The following HNF4G variants were observed in gnomAD, a reference collection of about 807,000 sequenced individuals.
HNF4G encodes the protein hepatocyte nuclear factor 4-gamma.
In HNF4G, 21 loss-of-function variants were observed where a neutral mutation model predicts 50.9. The observed-to-expected ratio is 0.41, with a 90% CI of 0.29 to 0.59. The LOEUF is 0.59. HNF4G is among the 20% of genes least tolerant of loss of function. The pLI is 0.26. For synonymous variants in HNF4G, 198 were observed against 185.6 expected (o/e 1.07, Z -0.54); for missense variants, 527 against 559.4 (o/e 0.94, Z 0.58).
chr8:75,411,600 A>T (rs1473191845), intron 1 of HNF4G, among the ~76,000 whole-genome samples: 1 of 152,170 alleles, frequency 6.6e-6, no homozygotes, highest in Admixed American at 6.5e-5. Context: ...TTTTATCAAG[A>T]TGGTTTCCTG....
intron 1 of HNF4G, among the ~76,000 whole-genome samples, chr8:75,436,076 T>C (rs1195154284): frequency 6.6e-6 from 1 of 152,160 alleles, no homozygotes; most frequent in African/African-American, 2.4e-5. Context: ...CAACATAAAT[T>C]ATAAGGTACC....
intron 1 of HNF4G, among the ~76,000 whole-genome samples, chr8:75,488,475 A>G: frequency 6.6e-6 from 1 of 151,776 alleles, no homozygotes; most frequent in South Asian, 2.1e-4. Flanking sequence ...ACAGGGTTTC[A>G]TCATGTTGGC....
At chr8:75,533,911 T>A (rs867152499) in intron 2 of HNF4G, among the ~76,000 whole-genome samples, 8 of 152,006 alleles carry the variant, frequency 5.3e-5, no homozygotes, top group Middle Eastern at 3.4e-3. Flanking sequence ...CTCTTATTTA[T>A]ATGTTTATTT....
intron 1 of HNF4G, among the ~76,000 whole-genome samples, chr8:75,542,389 T>C (rs1472637237): frequency 6.6e-6 from 1 of 152,020 alleles, no homozygotes; most frequent in African/African-American, 2.4e-5. Flanking sequence ...TAAATGTGTG[T>C]TCAGAGAAGG....
chr8:75,430,917 T>C (rs1429859341), intron 1 of HNF4G, among the ~76,000 whole-genome samples: 1 of 152,180 alleles, frequency 6.6e-6, no homozygotes, highest in Non-Finnish European at 1.5e-5. Context: ...AGAAATTTCA[T>C]TTGTAGAATG....
chr8:75,542,532 G>A lies in HNF4G; in HGVS notation c.119-1279G>A, dbSNP rs77551117. The stretch of plus-strand genomic sequence containing the variant: ...TGAGATGAGAGTAGCCTTCAATGAC[G>A]ACGAAAAAAAAAAAAAAAAAAAAGA... On this transcript the variant is annotated intron_variant, in intron 1 of 9. Coordinates refer to ENST00000396423, the MANE Select transcript of HNF4G (RefSeq NM_004133.5). Among the ~76,000 whole-genome samples, 867 of 101,688 alleles carry A rather than the reference G, an allele frequency of 8.5e-3. 8 individuals are homozygous for A. The highest frequency in any genetic ancestry group is 0.033 in the African/African-American group (817 of 24,440). 66.7% of individuals were successfully genotyped at this position (101,688 alleles called of 152,430 possible). A position where few individuals can be genotyped will look rare whatever the true frequency, so the allele number is the denominator to read the frequency against.
intron 1 of HNF4G, among the ~76,000 whole-genome samples, 173 bp from the exon 2 acceptor site, chr8:75,543,638 A>G (rs530620833): frequency 1.9e-4 from 29 of 152,212 alleles, no homozygotes; most frequent in Non-Finnish European, 3.7e-4. Flanking sequence ...TTCAGAAATA[A>G]GAAAGGAGAG....
intron 1 of HNF4G, among the ~76,000 whole-genome samples, chr8:75,442,946 T>G (rs1438165299): frequency 6.6e-6 from 1 of 152,190 alleles, no homozygotes; most frequent in Admixed American, 6.5e-5. Flanking sequence ...TACTATGTAT[T>G]GCCTTCGTGA....
At chr8:75,469,673 C>A (rs1274432447) in intron 1 of HNF4G, among the ~76,000 whole-genome samples, 1 of 152,074 alleles carries the variant, frequency 6.6e-6, no homozygotes, top group Non-Finnish European at 1.5e-5. Context: ...CAACAGGCAC[C>A]CATAATTTTA....
intron 1 of HNF4G, among the ~76,000 whole-genome samples, chr8:75,483,047 CAAT>C (rs1425428994): frequency 6.6e-6 from 1 of 152,062 alleles, no homozygotes; most frequent in African/African-American, 2.4e-5. Context: ...CTTTTAAACT[CAAT>C]GACATGTGAA....
chr8:75,493,885 A>C (rs1311284806), intron 2 of HNF4G, among the ~76,000 whole-genome samples: 1 of 152,154 alleles, frequency 6.6e-6, no homozygotes, highest in East Asian at 1.9e-4. Flanking sequence ...TTGGGGGTAC[A>C]TTTTCTTTAA....
chr8:75,566,830 A>C lies in HNF4G; in HGVS notation c.*2734A>C, dbSNP rs2130828117. 6.6e-6 allele frequency: 1 copy of C among 152,278 alleles called. No individual in the cohort carries two copies. Among genetic ancestry groups the C allele is most frequent in the Admixed American group, 6.5e-5 (1 of 15,290 alleles). The allele number at this position is 152,278 out of a possible 1,614,324, so 9.4% of individuals were successfully genotyped here. A position where few individuals can be genotyped will look rare whatever the true frequency, so the allele number is the denominator to read the frequency against. ...CTTTCTAAATAAAAACTGAGAAAAAAAAAATCACTGAAACCAGGTGCTTCA... is the reference window on the plus strand; with the variant it reads ...CTTTCTAAATAAAAACTGAGAAAAACAAAATCACTGAAACCAGGTGCTTCA... On this transcript the variant is annotated 3_prime_UTR_variant, in exon 10 of 10. Transcript: ENST00000396423.
chr8:75,538,568 C>T (rs1806530911), upstream of HNF4G, among the ~76,000 whole-genome samples: 1 of 152,142 alleles, frequency 6.6e-6, no homozygotes, highest in Non-Finnish European at 1.5e-5. Context: ...TTTGTTAACT[C>T]ATTTAAAATA....
chr8:75,498,066 A>T (rs1423051681), intron 2 of HNF4G, among the ~76,000 whole-genome samples: 1 of 152,118 alleles, frequency 6.6e-6, no homozygotes, highest in Non-Finnish European at 1.5e-5. Context: ...ACAAGACAAA[A>T]AAAAGATATG....
At chr8:75,449,501 A>ATT (rs1232475679) in intron 1 of HNF4G, among the ~76,000 whole-genome samples, 3 of 110,740 alleles carry the variant, frequency 2.7e-5, no homozygotes, top group Non-Finnish European at 1.8e-5. Context: ...ATATATATAT[A>ATT]TTTTTTTCTT....
chr8:75,410,888 G>C (rs1004889205), intron 1 of HNF4G, among the ~76,000 whole-genome samples: 1 of 152,074 alleles, frequency 6.6e-6, no homozygotes, highest in African/African-American at 2.4e-5. Flanking sequence ...TGCAAATATG[G>C]CTTACTCTTA....
intron 1 of HNF4G, among the ~76,000 whole-genome samples, chr8:75,543,458 T>C (rs1806685683): frequency 1.3e-5 from 2 of 152,196 alleles, no homozygotes; most frequent in Non-Finnish European, 2.9e-5. Flanking sequence ...AGTTCTTCAA[T>C]AGGTGCTTGG....
chr8:75,506,856 A>T (rs2130716859), intron 2 of HNF4G, among the ~76,000 whole-genome samples: 1 of 152,156 alleles, frequency 6.6e-6, no homozygotes, highest in African/African-American at 2.4e-5. Context: ...ATCAACAACA[A>T]CAACAACAAC....
chr8:75,548,331 T>C (rs1382923404), intron 3 of HNF4G, among the ~76,000 whole-genome samples: 1 of 152,186 alleles, frequency 6.6e-6, no homozygotes, highest in Non-Finnish European at 1.5e-5. Flanking sequence ...ACTGAATATC[T>C]TTTTTCTTTT....
Sources: gnomAD v4.1 joint callset for allele counts (sites outside exome capture counted in the v4.1 genomes callset) on GRCh38, gnomAD v4.1.1 for gene constraint, MANE v1.5 for transcripts, NCBI Gene and HGNC (gene_info 2026-07-23, HGNC 2026-07-21) for gene names.